PHACTR1: variants seen among roughly 807,000 people sequenced by gnomAD.
The protein encoded by PHACTR1 is phosphatase and actin regulator 1, also known as RPEL repeat containing 1.
PHACTR1 carries 16 observed loss-of-function variants against 69.2 expected under a neutral mutation model. The observed-to-expected ratio is 0.23, with a 90% CI of 0.16 to 0.35. The LOEUF is 0.35. Among genes scored for constraint, PHACTR1 ranks in the 10% least tolerant of loss-of-function variants. PHACTR1 has a pLI of 1.00. For missense variants in PHACTR1, 510 were observed against 734.7 expected (o/e 0.69, Z 3.54); for synonymous variants, 312 against 284.5 (o/e 1.10, Z -0.97).
chr6:13,165,152 T>C (rs548590359), intron 6 of PHACTR1, among the ~76,000 whole-genome samples: 5 of 152,326 alleles, frequency 3.3e-5, no homozygotes, highest in Admixed American at 3.3e-4. Context: ...CAGAAAATTA[T>C]AGGTTCTTTT....
chr6:12,931,636 T>C (rs1788883135), intron 4 of PHACTR1, among the ~76,000 whole-genome samples: 2 of 152,036 alleles, frequency 1.3e-5, no homozygotes, highest in Non-Finnish European at 2.9e-5. Flanking sequence ...ACTGCTCACG[T>C]CAGCATCCGG....
chr6:12,769,235 A>G (rs1186195674), intron 4 of PHACTR1, among the ~76,000 whole-genome samples: 1 of 152,244 alleles, frequency 6.6e-6, no homozygotes, highest in Non-Finnish European at 1.5e-5. Flanking sequence ...CCACAAAAAA[A>G]TAAGTGTTTA....
intron 4 of PHACTR1, among the ~76,000 whole-genome samples, chr6:12,920,346 G>A (rs1483644641): frequency 6.6e-6 from 1 of 152,176 alleles, no homozygotes; most frequent in African/African-American, 2.4e-5. Context: ...CACATGGATG[G>A]AACATTTCGT....
chr6:12,728,889 TAAGTA>T (rs2127568374), intron 3 of PHACTR1, among the ~76,000 whole-genome samples: 1 of 152,240 alleles, frequency 6.6e-6, no homozygotes, highest in African/African-American at 2.4e-5. Context: ...GGAGTAATAT[TAAGTA>T]AATAATAGGC....
intron 4 of PHACTR1, among the ~76,000 whole-genome samples, chr6:13,052,385 G>A (rs1225636143): frequency 2.0e-5 from 3 of 152,196 alleles, no homozygotes; most frequent in Non-Finnish European, 4.4e-5. Flanking sequence ...AATTTTTTGA[G>A]GGAACAAAGT....
intron 4 of PHACTR1, among the ~76,000 whole-genome samples, chr6:12,814,828 G>C (rs763666985): frequency 8.5e-5 from 13 of 152,292 alleles, no homozygotes; most frequent in Non-Finnish European, 1.5e-4. Context: ...ATTCTGAGTT[G>C]CTGGGGGAGG....
chr6:12,921,694 A>T (rs970435855), intron 4 of PHACTR1, among the ~76,000 whole-genome samples: 53 of 123,432 alleles, frequency 4.3e-4, no homozygotes, highest in African/African-American at 1.7e-3. Context: ...GGAAGGATGG[A>T]AAGAAGCAAG....
At chr6:12,820,720 CAT>C (rs2127711354) in intron 4 of PHACTR1, among the ~76,000 whole-genome samples, 1 of 152,266 alleles carries the variant, frequency 6.6e-6, no homozygotes, top group South Asian at 2.1e-4. Flanking sequence ...GAAATCAAAG[CAT>C]GAGACATTTA....
chr6:13,250,272 C>T lies in PHACTR1; in HGVS notation c.1391+20079C>T, dbSNP rs138957954. On this transcript the variant is annotated intron_variant, in intron 10 of 14. Transcript: ENST00000332995. ...GATCTATTTAGAAAGTGCATGTGCC[C>T]GAAATATCTCCATTAGAGAAAGAAA... Among the ~76,000 whole-genome samples the T allele has an allele frequency of 5.9e-5, 9 of 152,252 alleles. No individual in the cohort carries two copies. In the East Asian group the frequency reaches 9.6e-4, roughly 16 times the overall value.
intron 4 of PHACTR1, among the ~76,000 whole-genome samples, chr6:12,983,817 A>G (rs1433283740): frequency 6.6e-6 from 1 of 152,026 alleles, no homozygotes; most frequent in Non-Finnish European, 1.5e-5. Flanking sequence ...TGTCCTTGCG[A>G]TAGTTTGCTG....
intron 5 of PHACTR1, among the ~76,000 whole-genome samples, chr6:13,107,299 A>T (rs554781940): frequency 6.6e-6 from 1 of 152,278 alleles, no homozygotes; most frequent in African/African-American, 2.4e-5. Context: ...TTTGGTAGAG[A>T]CAGGGTCTCG....
intron 3 of PHACTR1, among the ~76,000 whole-genome samples, chr6:12,736,942 C>A (rs528497205): frequency 1.3e-5 from 2 of 152,028 alleles, no homozygotes; most frequent in South Asian, 4.2e-4. Context: ...TACATACGCA[C>A]ATAAAATATA....
intron 4 of PHACTR1, among the ~76,000 whole-genome samples, chr6:13,003,994 T>TGTA (rs1798476699): frequency 7.1e-6 from 1 of 140,428 alleles, no homozygotes; most frequent in African/African-American, 2.8e-5. Context: ...TATATATATA[T>TGTA]CACATTTTCT....
chr6:12,922,784 G>A (rs1321608088), intron 4 of PHACTR1, among the ~76,000 whole-genome samples: 2 of 152,130 alleles, frequency 1.3e-5, no homozygotes. Context: ...ATTCTATGAA[G>A]AAATTATCTG....
chr6:12,906,204 A>T (rs963242005), intron 4 of PHACTR1, among the ~76,000 whole-genome samples: 3 of 152,224 alleles, frequency 2.0e-5, no homozygotes, highest in African/African-American at 7.2e-5. Context: ...ATTACTTCTT[A>T]TGCTCAGTGG....
rs182223601 is a variant in PHACTR1 at position 12,817,707 on chromosome 6, G to A, written c.250+67917G>A. 2.6e-5 allele frequency among the ~76,000 whole-genome samples: 4 copies of A among 152,242 alleles called. No homozygotes were observed. The East Asian group carries it at 7.7e-4, about 29-fold the overall frequency. ...CTTTTCAAACAGTAAGGTGGAAGAT[G>A]TGGGTTATATTTTTCAGGAAAGATG... is the stretch of plus-strand genomic sequence containing the variant. On this transcript the variant is annotated intron_variant, in intron 4 of 14. Transcript: ENST00000332995.
intron 4 of PHACTR1, among the ~76,000 whole-genome samples, chr6:12,848,882 C>G (rs186908368): frequency 6.6e-6 from 1 of 151,272 alleles, no homozygotes; most frequent in East Asian, 1.9e-4. Context: ...AGTCAAAGGA[C>G]ATTCATTAGA....
intron 4 of PHACTR1, among the ~76,000 whole-genome samples, chr6:12,845,430 C>CT (rs1491189714): frequency 3.3e-5 from 1 of 30,060 alleles, no homozygotes; most frequent in Non-Finnish European, 8.3e-5. Context: ...ACACCACCCA[C>CT]CCCCCCCCCC....
intron 4 of PHACTR1, among the ~76,000 whole-genome samples, chr6:13,033,759 A>G (rs1351558716): frequency 1.3e-5 from 2 of 152,238 alleles, no homozygotes; most frequent in African/African-American, 4.8e-5. Context: ...GAACTTTCTC[A>G]GTGCTATAAA....
Sources: allele counts gnomAD v4.1 joint callset (sites outside exome capture counted in the v4.1 genomes callset), GRCh38; gene constraint gnomAD v4.1.1; transcripts MANE v1.5; gene names NCBI Gene and HGNC (gene_info 2026-07-23, HGNC 2026-07-21).